The following ZNF425 variants were observed in gnomAD, a reference collection of about 807,000 sequenced individuals.
ZNF425 encodes the protein zinc finger protein 425.
A neutral mutation model predicts 17.0 loss-of-function variants in ZNF425; 21 were observed. The observed-to-expected ratio is 1.23, with a 90% confidence interval of 0.88 to 1.78. The LOEUF (loss-of-function observed/expected upper bound fraction) is 1.78. ZNF425 is among the 40% of genes most tolerant of loss of function. The pLI, the probability that ZNF425 is intolerant of heterozygous loss-of-function variation, is 0.00. For missense variants in ZNF425, 868 were observed against 967.3 expected (o/e 0.90, Z 1.36); for synonymous variants, 433 against 384.1 (o/e 1.13, Z -1.49).
intron 2 of ZNF425, among the ~76,000 whole-genome samples, chr7:149,112,601 C>T (rs761304617): frequency 1.3e-5 from 2 of 152,072 alleles, no homozygotes; most frequent in African/African-American, 4.8e-5. Context: ...CCTCTGCACC[C>T]CAGCCTAGGC....
At chr7:149,108,318 G>C (rs1483821578) in intron 3 of ZNF425, among the ~76,000 whole-genome samples, 1 of 152,158 alleles carries the variant, frequency 6.6e-6, no homozygotes, top group East Asian at 1.9e-4. Flanking sequence ...CTCTCATTAT[G>C]CTCTGTGGTC....
chr7:149,112,065 C>T (rs1321114374), intron 3 of ZNF425, 72 bp downstream of exon 3: 1 of 1,485,000 alleles, frequency 6.7e-7, no homozygotes, highest in Non-Finnish European at 9.2e-7. Flanking sequence ...AGTCAGATAT[C>T]CAAAAAGAAA....
At chr7:149,111,590 TAAAAAAAAAAAA>T (rs60783786) in intron 3 of ZNF425, among the ~76,000 whole-genome samples, 10 of 54,382 alleles carry the variant, frequency 1.8e-4, no homozygotes, top group Non-Finnish European at 2.6e-4. Flanking sequence ...AGACTCTGTC[TAAAAAAAAAAAA>T]AAAAAAAAAA....
intron 3 of ZNF425, among the ~76,000 whole-genome samples, chr7:149,109,172 GGTTC>G: frequency 6.6e-6 from 1 of 151,648 alleles, no homozygotes; most frequent in Admixed American, 6.6e-5. Context: ...CCGCCTCCCG[GGTTC>G]ACGCCATTCT....
At chr7:149,111,455 G>A (rs1826173842) in intron 3 of ZNF425, among the ~76,000 whole-genome samples, 1 of 151,190 alleles carries the variant, frequency 6.6e-6, no homozygotes, top group Non-Finnish European at 1.5e-5. Flanking sequence ...AGCCAGGTGT[G>A]GTGGCAGGCA....
At chr7:149,111,290 A>C (rs1319186462) in intron 3 of ZNF425, among the ~76,000 whole-genome samples, 1 of 150,650 alleles carries the variant, frequency 6.6e-6, no homozygotes, top group African/African-American at 2.4e-5. Flanking sequence ...CTCTACTAAA[A>C]ATACAAAAAA....
rs1477895744 is a variant in ZNF425, at chr7:149,105,332, C to T, written c.539G>A (p.Arg180His). 4.3e-6 allele frequency: 7 copies of T among 1,613,990 alleles called. No individual in the cohort carries two copies. Among genetic ancestry groups the T allele is most frequent in the African/African-American group, 2.7e-5 (2 of 74,926 alleles). Residue 180 changes from arginine to histidine, a missense_variant, in exon 4 of 4, where the codon CGC (arginine) becomes CAC (histidine). Coordinates refer to ENST00000378061, the MANE Select transcript of ZNF425 (RefSeq NM_001001661.3). The part of the protein sequence containing the change: ...LRHKPRETPG[R>H]LEIPTGPRCY... ...TCTTGGCCCTGTGGGAATTTCTAAG[C>T]GCCCTGGGGTCTCCCGAGGCTTATG...
In ZNF425 at chr7:149,103,888, G is replaced by T. The variant is rs762794015; in HGVS notation, c.1983C>A (p.Ser661Arg). The T allele has an allele frequency of 1.9e-6, 3 of 1,613,022 alleles. No homozygotes were observed. The highest frequency in any genetic ancestry group is 2.5e-6 in the Non-Finnish European group (3 of 1,179,760). ...CCGGACACTGGAAGGGCTTCTCCCC[G>T]CTGTGGACTCGAATGTGTTCTGTGA... ...YRLTEHIRVH[S>R]GEKPFQCPEC... Residue 661 changes from serine to arginine, a missense_variant, in exon 4 of 4, where the codon AGC (serine) becomes AGA (arginine). Transcript: ENST00000378061.
chr7:149,104,394 C>T lies in ZNF425; in HGVS notation c.1477G>A (p.Asp493Asn), dbSNP rs1826037031. ...SKLACHTRVH[D>N]RQKEFPCGEC... ...CCGCAGGGAAACTCCTTCTGCCTGT[C>T]GTGGACTCTGGTGTGGCAGGCGAGC... The change falls in exon 4 of 4, where the codon GAC (aspartate) becomes AAC (asparagine). Residue 493 changes from aspartate (D) to asparagine (N), a missense_variant. Coordinates refer to ENST00000378061, the MANE Select transcript of ZNF425 (RefSeq NM_001001661.3). The surrounding 1 kb of genome is among the most constrained non-coding windows in gnomAD (Gnocchi z 4.3). 1.9e-6 allele frequency: 3 copies of T among 1,608,254 alleles called. No homozygotes were observed. The highest frequency in any genetic ancestry group is 1.3e-5 in the African/African-American group (1 of 74,878).
rs766977443 is a variant in ZNF425 at position 149,104,284 on chromosome 7, G to T, written c.1587C>A (p.Ala529=). Residue 529 remains alanine (A), a synonymous_variant, in exon 4 of 4, where the codon GCC becomes GCA. Transcript: ENST00000378061. The surrounding 1 kb of genome is among the most constrained non-coding windows in gnomAD (Gnocchi z 4.3). ...VHTTEKPFSC[A]ECGRSFRRRA... Reference sequence around the variant, plus strand: ...GTCGGCGGAAACTGCGGCCGCACTCGGCGCAGGAGAACGGCTTTTCCGTGG... The same window carrying T: ...GTCGGCGGAAACTGCGGCCGCACTCTGCGCAGGAGAACGGCTTTTCCGTGG... 3 of 1,613,650 alleles carry T rather than the reference G, an allele frequency of 1.9e-6. No homozygotes were observed. Among genetic ancestry groups the T allele is most frequent in the Non-Finnish European group, 2.5e-6 (3 of 1,180,012 alleles).
intron 2 of ZNF425, chr7:149,113,569 T>TTTTTTTTTTTTA (rs3084492): frequency 6.8e-6 from 1 of 146,142 alleles, no homozygotes; most frequent in African/African-American, 2.6e-5. Context: ...TTTTTTTTTT[T>TTTTTTTTTTTTA]GAGACGGAGT....
chr7:149,103,673 T>C lies in ZNF425; in HGVS notation c.2198A>G (p.Tyr733Cys). The change falls in exon 4 of 4, where the codon TAC becomes TGC. Residue 733 changes from tyrosine (Y) to cysteine (C), a missense_variant. Transcript: ENST00000378061. Reference sequence around the variant, plus strand: ...AATGTGGGTCTTGAGCGCCCCCACGTACGTGAAGCTCCTTCCACACTCATC... The same window carrying C: ...AATGTGGGTCTTGAGCGCCCCCACGCACGTGAAGCTCCTTCCACACTCATC... Reference protein sequence around the residue: ...SCDECGRSFTYVGALKTHIAV... With the variant: ...SCDECGRSFTCVGALKTHIAV... The C allele has an allele frequency of 3.7e-6, 6 of 1,614,088 alleles. No individual in the cohort carries two copies. The highest frequency in any genetic ancestry group is 5.1e-6 in the Non-Finnish European group (6 of 1,180,010).
chr7:149,115,988 GAA>G (rs1826260890), intron 2 of ZNF425, among the ~76,000 whole-genome samples: 1 of 152,112 alleles, frequency 6.6e-6, no homozygotes, highest in African/African-American at 2.4e-5. Context: ...TTAAAATTTG[GAA>G]AAATCTGGCT....
intron 2 of ZNF425, among the ~76,000 whole-genome samples, chr7:149,115,507 T>C (rs574318480): frequency 3.4e-5 from 5 of 148,918 alleles, no homozygotes; most frequent in Admixed American, 3.3e-4. Context: ...CTGGCCAACA[T>C]GGTGAAACCC....
chr7:149,108,154 G>A lies in ZNF425; in HGVS notation c.305-2588C>T, dbSNP rs758152341. ...CACAAAGTGCTGGGATTACAGGCAT[G>A]AGCCACTGTACCTGAGCAAACTCTC... On this transcript the variant is annotated intron_variant, in intron 3 of 3. Transcript: ENST00000378061. Among the ~76,000 whole-genome samples the A allele has an allele frequency of 1.9e-4, 29 of 151,982 alleles. 1 individual carries two copies. The highest frequency in any genetic ancestry group is 1.9e-3 in the Admixed American group (29 of 15,206).
At chr7:149,114,498 A>C (rs1427864432) in intron 2 of ZNF425, among the ~76,000 whole-genome samples, 1 of 151,210 alleles carries the variant, frequency 6.6e-6, no homozygotes, top group Non-Finnish European at 1.5e-5. Flanking sequence ...TCCGAGTTCA[A>C]GCAATTCTCC....
At chr7:149,125,982 C>T (rs1378763984) in intron 1 of ZNF425, 46 of 1,056,754 alleles carry the variant, frequency 4.4e-5, no homozygotes, top group Non-Finnish European at 5.7e-5. Context: ...GCGGCCAAGC[C>T]CGGCCAGACC....
chr7:149,118,907 C>T (rs989392299), intron 1 of ZNF425, among the ~76,000 whole-genome samples: 1 of 152,074 alleles, frequency 6.6e-6, no homozygotes, highest in Non-Finnish European at 1.5e-5. Context: ...TTAGCAGCAA[C>T]CAGTTACTGC....
intron 1 of ZNF425, among the ~76,000 whole-genome samples, chr7:149,120,394 A>G (rs1826331330): frequency 6.6e-6 from 1 of 152,132 alleles, no homozygotes; most frequent in Non-Finnish European, 1.5e-5. Context: ...AAAAACAAAC[A>G]AAAAAAGTTA....
Sources: allele counts gnomAD v4.1 joint callset (sites outside exome capture counted in the v4.1 genomes callset), GRCh38; gene constraint gnomAD v4.1.1; non-coding constraint Gnocchi (gnomAD v3.1); transcripts MANE v1.5; gene names NCBI Gene and HGNC (gene_info 2026-07-23, HGNC 2026-07-21).